The following BABAM2 variants were observed in gnomAD, a reference collection of about 807,000 sequenced individuals.
The protein encoded by BABAM2 is BRISC and BRCA1 A complex member 2, also known as BRISC and BRCA1-A complex member 2.
A neutral mutation model predicts 54.7 loss-of-function variants in BABAM2; 31 were observed. The ratio of observed to expected loss-of-function variants is 0.57; its 90% confidence interval spans 0.43 to 0.77. The LOEUF (loss-of-function observed/expected upper bound fraction) is 0.77. Ranked by LOEUF, BABAM2 falls within the 30% of genes least tolerant of loss-of-function variation. The pLI is 0.00. For missense variants in BABAM2, 364 were observed against 455.8 expected (o/e 0.80, Z 1.83); for synonymous variants, 167 against 162.9 (o/e 1.03, Z -0.19).
At chr2:28,072,407 G>T (rs1297676573) in intron 6 of BABAM2, among the ~76,000 whole-genome samples, 1 of 146,980 alleles carries the variant, frequency 6.8e-6, no homozygotes, top group African/African-American at 2.5e-5. Flanking sequence ...TTTTTTTGAG[G>T]CGGAGTCTCG....
At chr2:28,303,591 G>A (rs1047807687) in intron 11 of BABAM2, among the ~76,000 whole-genome samples, 2 of 152,004 alleles carry the variant, frequency 1.3e-5, no homozygotes, top group African/African-American at 4.8e-5. Flanking sequence ...AATATTTCTT[G>A]AAATCAGGAA....
At chr2:28,083,062 C>T (rs1245260943) in intron 6 of BABAM2, among the ~76,000 whole-genome samples, 1 of 152,196 alleles carries the variant, frequency 6.6e-6, no homozygotes, top group Non-Finnish European at 1.5e-5. Flanking sequence ...ATCCATTCAT[C>T]CTTCTTCAGC....
In BABAM2 at chr2:28,304,706, G is replaced by A. The variant is rs1394320223; in HGVS notation, c.1088+6215G>A. On this transcript the variant is annotated intron_variant, in intron 11 of 11. Transcript: ENST00000379624. This position sits in a 1 kb window ranked among gnomAD's most constrained non-coding sequence, Gnocchi z 4.0. Reference sequence around the variant, plus strand: ...TTCTCCTGCTTCAGCCTCTTAAGTAGCTGGGACTACAGGCACACGCTGCCA... The same window carrying A: ...TTCTCCTGCTTCAGCCTCTTAAGTAACTGGGACTACAGGCACACGCTGCCA... Among the ~76,000 whole-genome samples, 1 of 151,976 alleles carries A rather than the reference G, an allele frequency of 6.6e-6. No individual in the cohort carries two copies. Among genetic ancestry groups the A allele is most frequent in the African/African-American group, 2.4e-5 (1 of 41,372 alleles).
Position 28,237,269 on chromosome 2 carries a change from G to C in BABAM2, c.748G>C (p.Val250Leu), listed in dbSNP as rs146767400. The change falls in exon 8 of 12, where the codon GTT becomes CTT. Residue 250 changes from valine (V) to leucine (L), a missense_variant. Physicochemically the swap from Val to Leu is conservative, Grantham distance 32. Transcript: ENST00000379624. ...FPGGGCLIDY[V>L]PQVCHLLTNK... is the part of the protein sequence containing the mutation. ...AGGAGGAGGATGTCTCATTGATTAC[G>C]TTCCTCAAGTATGCCACCTGCTCAC... The C allele has an allele frequency of 6.2e-7, 1 of 1,613,732 alleles. No homozygotes were observed. The highest frequency in any genetic ancestry group is 1.1e-5 in the South Asian group (1 of 91,066).
chr2:28,213,933 C>T (rs765533816), intron 7 of BABAM2, among the ~76,000 whole-genome samples: 13 of 97,556 alleles, frequency 1.3e-4, no homozygotes, highest in Non-Finnish European at 2.1e-4. Flanking sequence ...ATTACTAGAA[C>T]TTTAACTTGC....
At chr2:28,194,422 C>T (rs536092839) in intron 7 of BABAM2, among the ~76,000 whole-genome samples, 3 of 152,182 alleles carry the variant, frequency 2.0e-5, no homozygotes, top group African/African-American at 7.2e-5. Context: ...TAGAACTTAG[C>T]TTATGGCAAC....
intron 2 of BABAM2, among the ~76,000 whole-genome samples, chr2:27,901,553 TAGAC>T (rs1665798516): frequency 6.6e-6 from 1 of 152,208 alleles, no homozygotes; most frequent in South Asian, 2.1e-4. Flanking sequence ...GATTACTAAA[TAGAC>T]AGAACACTTT....
intron 7 of BABAM2, among the ~76,000 whole-genome samples, chr2:28,180,327 C>T (rs1675480820): frequency 6.6e-6 from 1 of 151,980 alleles, no homozygotes; most frequent in Admixed American, 6.6e-5. Flanking sequence ...TTACAGCCAA[C>T]TGGTTTTTGA....
At chr2:28,184,291 C>CA in intron 7 of BABAM2, among the ~76,000 whole-genome samples, 9 of 109,960 alleles carry the variant, frequency 8.2e-5, no homozygotes, top group African/African-American at 2.2e-4. Context: ...TCTCTCCCCC[C>CA]CTCCCTCTCT....
chr2:28,291,587 T>C (rs2148223465), intron 10 of BABAM2, among the ~76,000 whole-genome samples: 1 of 150,360 alleles, frequency 6.7e-6, no homozygotes, highest in East Asian at 2.0e-4. Context: ...AGAGTGAAAC[T>C]CCGTCTCCAA....
At chr2:27,907,992 C>T (rs904427198) in intron 2 of BABAM2, among the ~76,000 whole-genome samples, 1 of 152,110 alleles carries the variant, frequency 6.6e-6, no homozygotes, top group African/African-American at 2.4e-5. Flanking sequence ...TGTACAAATA[C>T]CTGTTTAAAG....
chr2:28,085,993 T>A (rs1045647800), intron 6 of BABAM2, among the ~76,000 whole-genome samples: 2 of 152,186 alleles, frequency 1.3e-5, no homozygotes, highest in Non-Finnish European at 2.9e-5. Context: ...TGTACAGGGA[T>A]AAGTACTTAC....
intron 11 of BABAM2, among the ~76,000 whole-genome samples, chr2:28,306,279 C>CAAA (rs1688512421): frequency 6.6e-6 from 1 of 152,074 alleles, no homozygotes; most frequent in Admixed American, 6.5e-5. Flanking sequence ...TAGCTCTTTA[C>CAAA]TGTTTTTTTA....
At chr2:28,019,042 T>G (rs1259844474) in intron 4 of BABAM2, among the ~76,000 whole-genome samples, 1 of 151,904 alleles carries the variant, frequency 6.6e-6, no homozygotes, top group Non-Finnish European at 1.5e-5. Context: ...GAAGTTCCCC[T>G]CCCTGTGTCC....
intron 11 of BABAM2, among the ~76,000 whole-genome samples, chr2:28,313,067 A>C (rs1488958217): frequency 1.3e-5 from 2 of 152,204 alleles, no homozygotes; most frequent in Non-Finnish European, 2.9e-5. Flanking sequence ...AGCCTGCACC[A>C]CGTACACATC....
chr2:28,059,233 TAC>T (rs1351370484), intron 6 of BABAM2, among the ~76,000 whole-genome samples: 1 of 152,214 alleles, frequency 6.6e-6, no homozygotes, highest in East Asian at 1.9e-4. Flanking sequence ...ATTTTAACAG[TAC>T]ACACATACCT....
rs1553319626 is a variant in BABAM2 at position 28,112,189 on chromosome 2, C to CCTTCCTTCCTTCCTT, written c.571-17081_571-17080insTTCCTTCCTTCCTTC. ...TCCCTCCCTCCCTCCCTCCCTCCCT[C>CCTTCCTTCCTTCCTT]CCTCCCTCCCTTCCTTCCTTCCTTC... On this transcript the variant is annotated intron_variant, in intron 6 of 11. Coordinates refer to ENST00000379624, the MANE Select transcript of BABAM2 (RefSeq NM_199191.3). 1.6e-3 allele frequency among the ~76,000 whole-genome samples: 50 copies of CCTTCCTTCCTTCCTT among 30,768 alleles called. 6 individuals carry two copies. Among genetic ancestry groups the CCTTCCTTCCTTCCTT allele is most frequent in the South Asian group, 7.4e-3 (2 of 270 alleles). The allele number at this position is 30,768 out of a possible 152,430, so 20.2% of individuals were successfully genotyped here. A position where few individuals can be genotyped will look rare whatever the true frequency, so the allele number is the denominator to read the frequency against.
intron 3 of BABAM2, among the ~76,000 whole-genome samples, chr2:27,934,871 T>A (rs1266718739): frequency 6.6e-6 from 1 of 152,152 alleles, no homozygotes; most frequent in Non-Finnish European, 1.5e-5. Context: ...AGAAGAAAAT[T>A]TGAAGCTAGC....
intron 4 of BABAM2, among the ~76,000 whole-genome samples, chr2:27,991,343 T>G (rs1473844162): frequency 6.6e-6 from 1 of 152,228 alleles, no homozygotes; most frequent in Non-Finnish European, 1.5e-5. Context: ...TGAAGTATTA[T>G]TTTCCATTCT....
Sources: gnomAD v4.1 joint callset for allele counts (sites outside exome capture counted in the v4.1 genomes callset) on GRCh38, gnomAD v4.1.1 for gene constraint, Gnocchi (gnomAD v3.1) non-coding constraint, MANE v1.5 for transcripts, NCBI Gene and HGNC (gene_info 2026-07-23, HGNC 2026-07-21) for gene names.